The following C13orf42 variants were observed in gnomAD, a reference collection of about 807,000 sequenced individuals.
C13orf42 encodes uncharacterized protein C13orf42.
At chr13:51,145,325 G>A (rs563931585) in intron 1 of C13orf42, among the ~76,000 whole-genome samples, 3 of 147,922 alleles carry the variant, frequency 2.0e-5, no homozygotes, top group South Asian at 2.2e-4. Context: ...GGTCTATATC[G>A]ATTTTTTTTT....
chr13:51,089,191 T>A (rs1018094201), intron 1 of C13orf42, among the ~76,000 whole-genome samples: 4 of 152,244 alleles, frequency 2.6e-5, no homozygotes, highest in African/African-American at 9.6e-5. Flanking sequence ...AGCATCTCTA[T>A]GTGTACAAGA....
chr13:51,103,577 T>C (rs1001019076), intron 1 of C13orf42, among the ~76,000 whole-genome samples: 2 of 152,100 alleles, frequency 1.3e-5, no homozygotes, highest in Non-Finnish European at 2.9e-5. Context: ...GGTGAGCGCC[T>C]GTAGTCCCAG....
chr13:51,170,249 T>C (rs1472986521), intron 1 of C13orf42, among the ~76,000 whole-genome samples: 1 of 152,154 alleles, frequency 6.6e-6, no homozygotes, highest in African/African-American at 2.4e-5. Flanking sequence ...TGCACCCAGG[T>C]GAAATAAACA....
chr13:51,152,609 C>T (rs1382214729), intron 1 of C13orf42, among the ~76,000 whole-genome samples: 2 of 152,176 alleles, frequency 1.3e-5, no homozygotes, highest in Non-Finnish European at 2.9e-5. Flanking sequence ...CTCAGCCTAA[C>T]CCATTTCTTT....
chr13:51,111,074 C>T lies in C13orf42; in HGVS notation c.136G>A (p.Gly46Arg), dbSNP rs1361126396. Residue 46 changes from glycine (G) to arginine (R), a missense_variant, in exon 1 of 4, where the codon GGG becomes AGG. Transcript: ENST00000563710. ...SSSMYVVGDH[G>R]EKFSESLKKY... ...TTTAAGGACTCGCTGAATTTCTCCC[C>T]GTGGTCCCCGACCACATACATGGAA... 7.5e-6 allele frequency: 3 copies of T among 398,554 alleles called. No individual in the cohort carries two copies. Among genetic ancestry groups the T allele is most frequent in the East Asian group, 7.1e-5 (2 of 28,084 alleles). The allele number at this position is 398,554 out of a possible 1,614,324, so 24.7% of individuals were successfully genotyped here.
intron 1 of C13orf42, among the ~76,000 whole-genome samples, chr13:51,149,644 G>A (rs1483725098): frequency 6.6e-6 from 1 of 152,184 alleles, no homozygotes; most frequent in Non-Finnish European, 1.5e-5. Context: ...CACAAGAGAG[G>A]TAGCACAAGG....
At chr13:51,130,016 G>A (rs1421926579) in intron 1 of C13orf42, among the ~76,000 whole-genome samples, 1 of 152,198 alleles carries the variant, frequency 6.6e-6, no homozygotes, top group Admixed American at 6.5e-5. Flanking sequence ...TCCTTTACCT[G>A]CTGAATGTCT....
chr13:51,167,509 A>G (rs1953912310), intron 1 of C13orf42, among the ~76,000 whole-genome samples: 1 of 152,214 alleles, frequency 6.6e-6, no homozygotes, highest in Non-Finnish European at 1.5e-5. Flanking sequence ...CTAAGGAGTC[A>G]GCCATTGAAA....
At position 51,155,046 on chromosome 13, in the gene C13orf42, T is replaced by C. The variant is rs78605972; in HGVS notation, n.136+17207A>G. 2.6e-5 allele frequency among the ~76,000 whole-genome samples: 4 copies of C among 152,314 alleles called. No homozygotes were observed. The East Asian group carries it at 7.7e-4, about 29-fold the overall frequency. ...TCAGTTTAACGTATGTTTAGAAATATATATCTAATACCTCAAACCCTCAAT... is the reference window on the plus strand; with the variant it reads ...TCAGTTTAACGTATGTTTAGAAATACATATCTAATACCTCAAACCCTCAAT... On this transcript the variant is annotated intron_variant and non_coding_transcript_variant, in intron 1 of 4. Coordinates refer to the C13orf42 transcript ENST00000433280.
At chr13:51,168,427 ACATGGCGTTGT>A (rs377077465) in intron 1 of C13orf42, among the ~76,000 whole-genome samples, 3 of 152,220 alleles carry the variant, frequency 2.0e-5, no homozygotes, top group Non-Finnish European at 2.9e-5. Context: ...CTCCTTTGCA[ACATGGCGTTGT>A]CATGCAGCAA....
At position 51,083,395 on chromosome 13, in the gene C13orf42, T is replaced by C. The variant is rs1407128026; in HGVS notation, c.*756A>G. ...TGTGGCCTGTCATAAACTGGTTCCATGGATATTTAAAAAGATTTTTCTGGG... is the reference window on the plus strand; with the variant it reads ...TGTGGCCTGTCATAAACTGGTTCCACGGATATTTAAAAAGATTTTTCTGGG... On this transcript the variant is annotated 3_prime_UTR_variant, in exon 4 of 4. Coordinates refer to ENST00000563710, the MANE Select transcript of C13orf42 (RefSeq NM_001351589.3). 6.6e-6 allele frequency: 1 copy of C among 152,180 alleles called. No individual in the cohort carries two copies. Among genetic ancestry groups the C allele is most frequent in the Non-Finnish European group, 1.5e-5 (1 of 68,030 alleles). The allele number at this position is 152,180 out of a possible 1,614,324, so 9.4% of individuals were successfully genotyped here. A position where few individuals can be genotyped will look rare whatever the true frequency, so the allele number is the denominator to read the frequency against.
At chr13:51,154,174 C>T (rs1490375889) in intron 1 of C13orf42, among the ~76,000 whole-genome samples, 1 of 152,078 alleles carries the variant, frequency 6.6e-6, no homozygotes, top group African/African-American at 2.4e-5. Context: ...AATTTCCTTC[C>T]TTTTTTAAGC....
At chr13:51,147,045 A>G (rs1239787711) in intron 1 of C13orf42, among the ~76,000 whole-genome samples, 1 of 152,154 alleles carries the variant, frequency 6.6e-6, no homozygotes, top group Non-Finnish European at 1.5e-5. Flanking sequence ...GAAGCAGTAA[A>G]ACAGCTGCAG....
chr13:51,122,549 AAAAG>A (rs1189101629), intron 1 of C13orf42, among the ~76,000 whole-genome samples: 10 of 151,764 alleles, frequency 6.6e-5, no homozygotes, highest in East Asian at 1.9e-4. Flanking sequence ...AAAAAAAAAA[AAAAG>A]AAAGAAAAAA....
At position 51,083,095 on chromosome 13, in the gene C13orf42, T is replaced by C. The variant is rs981382802; in HGVS notation, c.*1056A>G. On this transcript the variant is annotated 3_prime_UTR_variant, in exon 4 of 4. Coordinates refer to ENST00000563710, the MANE Select transcript of C13orf42 (RefSeq NM_001351589.3). ...CTGTTTTTTGTCTCTCTCCCTTCCTTCTGCCCAAAGACCCTTATACATGCA... is the reference window on the plus strand; with the variant it reads ...CTGTTTTTTGTCTCTCTCCCTTCCTCCTGCCCAAAGACCCTTATACATGCA... 6.6e-6 allele frequency: 1 copy of C among 152,170 alleles called. No individual in the cohort carries two copies. Among genetic ancestry groups the C allele is most frequent in the African/African-American group, 2.4e-5 (1 of 41,412 alleles). The allele number at this position is 152,170 out of a possible 1,614,324, so 9.4% of individuals were successfully genotyped here. A position where few individuals can be genotyped will look rare whatever the true frequency, so the allele number is the denominator to read the frequency against.
chr13:51,153,630 CTTTTTTTTTTTTTTTT>C (rs1206289963), intron 1 of C13orf42, among the ~76,000 whole-genome samples: 104 of 81,252 alleles, frequency 1.3e-3, no homozygotes, highest in South Asian at 3.0e-3. Context: ...TGTTTTTTTT[CTTTTTTTTTTTTTTTT>C]TTTTTTTTTT....
At chr13:51,161,653 C>T in intron 1 of C13orf42, 1 of 179,050 alleles carries the variant, frequency 5.6e-6, no homozygotes, top group Non-Finnish European at 1.2e-5. Context: ...TCATCCATTC[C>T]TTCCCATGGA....
intron 2 of C13orf42, among the ~76,000 whole-genome samples, chr13:51,087,255 C>T (rs1411127756): frequency 6.6e-6 from 1 of 152,194 alleles, no homozygotes; most frequent in Non-Finnish European, 1.5e-5. Flanking sequence ...TGAACTCAGG[C>T]CTCACCCCAC....
chr13:51,088,288 G>A (rs1482502909), intron 1 of C13orf42, among the ~76,000 whole-genome samples: 1 of 152,084 alleles, frequency 6.6e-6, no homozygotes, highest in African/African-American at 2.4e-5. Flanking sequence ...TCTCAAGAAG[G>A]GAGAGTGAAA....
Sources: gnomAD v4.1 joint callset for allele counts (sites outside exome capture counted in the v4.1 genomes callset) on GRCh38, gnomAD v4.1.1 for gene constraint, MANE v1.5 for transcripts, NCBI Gene and HGNC (gene_info 2026-07-23, HGNC 2026-07-21) for gene names.